The following MANSC1 variants were observed in gnomAD, a reference collection of about 807,000 sequenced individuals.
MANSC1 encodes the protein MANSC domain containing 1.
In MANSC1, 13 loss-of-function variants were observed where a neutral mutation model predicts 14.1. That is an observed-to-expected ratio of 0.92 (90% CI 0.60 to 1.46). MANSC1 has a LOEUF of 1.46. Ranked by LOEUF, MANSC1 falls within the 40% of genes most tolerant of loss-of-function variation. The probability of loss-of-function intolerance (pLI) is 0.00; values close to 1 mark genes in which losing one functional copy is unlikely to be tolerated. For synonymous variants in MANSC1, 227 were observed against 200.7 expected (o/e 1.13, Z -1.11); for missense variants, 486 against 511.4 (o/e 0.95, Z 0.48).
chr12:12,343,657 T>C (rs906564656), intron 1 of MANSC1, among the ~76,000 whole-genome samples: 2 of 152,256 alleles, frequency 1.3e-5, no homozygotes, highest in Non-Finnish European at 2.9e-5. Context: ...ACAATGCTTA[T>C]GAAGGAACAG....
In MANSC1 at chr12:12,343,134, C is replaced by A. The variant is rs763694565; in HGVS notation, c.181G>T (p.Glu61Ter). 3.1e-6 allele frequency: 5 copies of A among 1,614,042 alleles called. No individual in the cohort carries two copies. In the East Asian group the frequency reaches 1.1e-4, roughly 36 times the overall value. ...GNEPVYTSTQ[E>*]DCINSCCSTK... ...GAACAGCAAGAATTAATGCAGTCTT[C>A]TTGAGTTGAAGTATATACGGGCTCA... is the stretch of plus-strand genomic sequence containing the variant. The change falls in exon 2 of 4, where the codon GAA becomes TAA. Residue 61 changes from glutamate to a stop codon, truncating the protein, a stop_gained. Coordinates refer to ENST00000535902, the MANE Select transcript of MANSC1 (RefSeq NM_018050.4). LOFTEE classifies it high-confidence loss of function.
chr12:12,330,391 G>T lies in MANSC1; in HGVS notation c.932C>A (p.Thr311Lys), dbSNP rs759881826. The change falls in exon 4 of 4, where the codon ACG becomes AAG. Residue 311 changes from threonine (T) to lysine (K), a missense_variant. By Grantham distance (78) the Thr-to-Lys change is moderately conservative. Transcript: ENST00000535902. ...GGTTTCTAAGCTGCCTTTCGAGTCC[G>T]TAGGTGCCTGAAAGGTGGTAGTCAG... ...AVLTTTFQAP[T>K]DSKGSLETIP... 6.2e-7 allele frequency: 1 copy of T among 1,614,188 alleles called. No individual in the cohort carries two copies. Among genetic ancestry groups the T allele is most frequent in the Non-Finnish European group, 8.5e-7 (1 of 1,180,024 alleles).
rs1422399848 is a variant in MANSC1 at position 12,327,444 on chromosome 12, C to G, written c.*2583G>C. 1 of 152,248 alleles carries G rather than the reference C, an allele frequency of 6.6e-6. No individual in the cohort carries two copies. 9.4% of individuals were successfully genotyped at this position (152,248 alleles called of 1,614,324 possible). The stretch of plus-strand genomic sequence containing the variant: ...CAACCTATATCCTCACGGCCACTAA[C>G]AGTTTGGGCCCGTAGCATCACTCAT... On this transcript the variant is annotated 3_prime_UTR_variant, in exon 4 of 4. Coordinates refer to ENST00000535902, the MANE Select transcript of MANSC1 (RefSeq NM_018050.4).
At position 12,330,137 on chromosome 12, in the gene MANSC1, A is replaced by T; in HGVS notation, c.1186T>A (p.Phe396Ile). The change falls in exon 4 of 4, where the codon TTC (phenylalanine) becomes ATC (isoleucine). Residue 396 changes from phenylalanine (F) to isoleucine (I), a missense_variant. Coordinates refer to ENST00000535902, the MANE Select transcript of MANSC1 (RefSeq NM_018050.4). ...AGGAGGACGAGGCCTATCACCAGGA[A>T]CAGGACACCAAAGAGCAGGGACCCG... Reference protein sequence around the residue: ...LIGSLLFGVLFLVIGLVLLGR... With the variant: ...LIGSLLFGVLILVIGLVLLGR... 6.8e-6 allele frequency: 11 copies of T among 1,614,152 alleles called. No individual in the cohort carries two copies. Among genetic ancestry groups the T allele is most frequent in the Non-Finnish European group, 9.3e-6 (11 of 1,180,016 alleles).
chr12:12,341,796 G>T (rs917068520), intron 2 of MANSC1, among the ~76,000 whole-genome samples: 2 of 152,218 alleles, frequency 1.3e-5, no homozygotes, highest in Non-Finnish European at 2.9e-5. Flanking sequence ...TTCAAGACTA[G>T]CCTGACCAAC....
chr12:12,343,125 T>C lies in MANSC1; in HGVS notation c.190A>G (p.Ile64Val), dbSNP rs762412407. ...TTTTTTGTTGAACAGCAAGAATTAA[T>C]GCAGTCTTCTTGAGTTGAAGTATAT... ...PVYTSTQEDC[I>V]NSCCSTKNIS... The change falls in exon 2 of 4, where the codon ATT becomes GTT. Residue 64 changes from isoleucine (I) to valine (V), a missense_variant. Transcript: ENST00000535902. The C allele has an allele frequency of 3.7e-6, 6 of 1,613,350 alleles. No individual in the cohort carries two copies. Among genetic ancestry groups the C allele is most frequent in the African/African-American group, 1.3e-5 (1 of 74,930 alleles).
chr12:12,333,463 C>T (rs12832993), intron 3 of MANSC1, among the ~76,000 whole-genome samples: 1 of 152,170 alleles, frequency 6.6e-6, no homozygotes, highest in Non-Finnish European at 1.5e-5. Context: ...CAGCTGTTTT[C>T]TTTCTCAAGC....
intron 1 of MANSC1, among the ~76,000 whole-genome samples, chr12:12,345,418 G>T (rs1862998436): frequency 6.6e-6 from 1 of 151,788 alleles, no homozygotes; most frequent in Non-Finnish European, 1.5e-5. Flanking sequence ...TATCAAATCA[G>T]AGTTAGAAAA....
rs1449826019 is a variant in MANSC1 at position 12,326,590 on chromosome 12, T to A, written c.*3437A>T. 5.5e-5 allele frequency: 8 copies of A among 146,510 alleles called. No individual in the cohort carries two copies. Among genetic ancestry groups the A allele is most frequent in the South Asian group, 2.2e-4 (1 of 4,550 alleles). The allele number at this position is 146,510 out of a possible 1,614,324, so 9.1% of individuals were successfully genotyped here. A position where few individuals can be genotyped will look rare whatever the true frequency, so the allele number is the denominator to read the frequency against. On this transcript the variant is annotated 3_prime_UTR_variant, in exon 4 of 4. Transcript: ENST00000535902. ...TTCATCCAGGAGTCCTCAGGTTTTTTAAGAGTTTTTTAGTTTTTTTTTTGT... is the reference window on the plus strand; with the variant it reads ...TTCATCCAGGAGTCCTCAGGTTTTTAAAGAGTTTTTTAGTTTTTTTTTTGT...
At chr12:12,349,249 G>T (rs1199820503) in intron 1 of MANSC1, among the ~76,000 whole-genome samples, 1 of 152,086 alleles carries the variant, frequency 6.6e-6, no homozygotes, top group East Asian at 1.9e-4. Flanking sequence ...TCTGGCCAAG[G>T]TACTTAATAC....
chr12:12,345,939 T>C (rs1012516656), intron 1 of MANSC1, among the ~76,000 whole-genome samples: 73 of 152,178 alleles, frequency 4.8e-4, no homozygotes, highest in African/African-American at 1.7e-3. Context: ...TAGAGAGATA[T>C]AACATGTTCA....
In MANSC1 at chr12:12,329,919, T is replaced by A; in HGVS notation, c.*108A>T. On this transcript the variant is annotated 3_prime_UTR_variant, in exon 4 of 4. Transcript: ENST00000535902. Reference sequence around the variant, plus strand: ...AAAAAGGAAAGCAGAAGGGGGCATTTTCCTGTCTTCAAAATACAACCTCCT... The same window carrying A: ...AAAAAGGAAAGCAGAAGGGGGCATTATCCTGTCTTCAAAATACAACCTCCT... The A allele has an allele frequency of 1.1e-6, 1 of 928,178 alleles. No individual in the cohort carries two copies. The highest frequency in any genetic ancestry group is 2.6e-5 in the East Asian group (1 of 39,088). The allele number at this position is 928,178 out of a possible 1,614,324, so 57.5% of individuals were successfully genotyped here. A position where few individuals can be genotyped will look rare whatever the true frequency, so the allele number is the denominator to read the frequency against.
chr12:12,335,785 T>G (rs373149420), intron 3 of MANSC1, among the ~76,000 whole-genome samples: 12 of 151,158 alleles, frequency 7.9e-5, no homozygotes, highest in Admixed American at 4.6e-4. Context: ...GAGGTGGCAC[T>G]GAACCGACAC....
At chr12:12,338,075 A>T (rs1371697904) in intron 3 of MANSC1, among the ~76,000 whole-genome samples, 2 of 152,210 alleles carry the variant, frequency 1.3e-5, no homozygotes, top group Admixed American at 1.3e-4. Flanking sequence ...TTTCTATATT[A>T]ACACAAGTCT....
In MANSC1 at chr12:12,340,718, C is replaced by G. The variant is rs550372311; in HGVS notation, c.224-2158G>C. The stretch of plus-strand genomic sequence containing the variant: ...TAGGACTTTGGCTTCTAGAATAAAA[C>G]AGCAAACCCTCGTTTCTTAGAATTG... On this transcript the variant is annotated intron_variant, in intron 2 of 3. Coordinates refer to ENST00000535902, the MANE Select transcript of MANSC1 (RefSeq NM_018050.4). Among the ~76,000 whole-genome samples, 6 of 152,286 alleles carry G rather than the reference C, an allele frequency of 3.9e-5. No individual in the cohort carries two copies. The South Asian group carries it at 1.2e-3, about 32-fold the overall frequency.
chr12:12,336,577 A>G (rs1453729163), intron 3 of MANSC1, among the ~76,000 whole-genome samples: 1 of 151,920 alleles, frequency 6.6e-6, no homozygotes, highest in Non-Finnish European at 1.5e-5. Flanking sequence ...CCCAGGCTAG[A>G]GTGTAGTGGC....
In MANSC1 at chr12:12,343,348, T is replaced by G; in HGVS notation, c.-34A>C. On this transcript the variant is annotated 5_prime_UTR_variant, in exon 2 of 4. Transcript: ENST00000535902. ...TCAGTTTAGTTTTGGTCTTCAAAGG[T>G]CAAGGATAATCCTCCCTCTGGTCTT... The G allele has an allele frequency of 6.8e-7, 1 of 1,464,870 alleles. No individual in the cohort carries two copies. The highest frequency in any genetic ancestry group is 9.6e-7 in the Non-Finnish European group (1 of 1,046,104). 90.7% of individuals were successfully genotyped at this position (1,464,870 alleles called of 1,614,324 possible). A position where few individuals can be genotyped will look rare whatever the true frequency, so the allele number is the denominator to read the frequency against.
chr12:12,338,880 C>CACACGCACAA (rs1862895706), intron 2 of MANSC1: 1 of 356,590 alleles, frequency 2.8e-6, no homozygotes, highest in South Asian at 2.6e-5. Flanking sequence ...TCCACAACCA[C>CACACGCACAA]ACACACACAA....
chr12:12,336,534 T>C (rs1427674429), intron 3 of MANSC1, among the ~76,000 whole-genome samples: 2 of 148,152 alleles, frequency 1.3e-5, no homozygotes, highest in Admixed American at 6.7e-5. Flanking sequence ...TGTTTTCCTA[T>C]TTTTTTTTTA....
Sources: allele counts gnomAD v4.1 joint callset (sites outside exome capture counted in the v4.1 genomes callset), GRCh38; gene constraint gnomAD v4.1.1; transcripts MANE v1.5; gene names NCBI Gene and HGNC (gene_info 2026-07-23, HGNC 2026-07-21).